Variants in SAP30BP observed in about 807,000 individuals in gnomAD.
SAP30BP encodes SAP30-binding protein.
Under a neutral mutation model 46.3 loss-of-function variants are expected in SAP30BP, and 31 were observed. The observed-to-expected ratio is 0.67, with a 90% CI of 0.50 to 0.90. The LOEUF is 0.90. Ranked by LOEUF, SAP30BP falls within the 40% of genes least tolerant of loss-of-function variation. The pLI, the probability that SAP30BP is intolerant of heterozygous loss-of-function variation, is 0.00. For missense variants in SAP30BP, 312 were observed against 391.0 expected, an observed-to-expected ratio of 0.80 and a Z score of 1.70; for synonymous variants, 169 against 144.2, an observed-to-expected ratio of 1.17 and a Z score of -1.23.
chr17:75,704,848 C>T (rs772843143), intron 9 of SAP30BP, 34 bp downstream of exon 9: 3 of 1,566,800 alleles, frequency 1.9e-6, no homozygotes, highest in South Asian at 2.2e-5. Flanking sequence ...ATGAAAAAGG[C>T]ACATGTGGAG....
rs117826253 is a variant in SAP30BP at position 75,704,101 on chromosome 17, G to A, written c.601+242G>A. ...AGCATCGATGAGTGTTGGTGATGAC[G>A]GAGTTGCTGGGTACAGGGGAGCTTT... On this transcript the variant is annotated intron_variant, in intron 8 of 10. Transcript: ENST00000584667. Among the ~76,000 whole-genome samples the A allele has an allele frequency of 3.6e-4, 55 of 152,312 alleles. No homozygotes were observed. In the East Asian group the frequency reaches 4.6e-3, roughly 13 times the overall value.
At chr17:75,667,503 A>G in intron 1 of SAP30BP, 25 bp downstream of exon 1, 1 of 1,606,380 alleles carries the variant, frequency 6.2e-7, no homozygotes, top group Non-Finnish European at 8.5e-7. Flanking sequence ...CGAAGCTGGA[A>G]GGGGGAATCG....
intron 9 of SAP30BP, chr17:75,705,737 TG>T: frequency 8.9e-7 from 1 of 1,123,770 alleles, no homozygotes; most frequent in Non-Finnish European, 1.1e-6. Flanking sequence ...GCATGTGAGG[TG>T]GGGCGGTGGG....
intron 4 of SAP30BP, among the ~76,000 whole-genome samples, chr17:75,694,869 T>C (rs1164811602): frequency 6.6e-6 from 1 of 152,246 alleles, no homozygotes; most frequent in East Asian, 1.9e-4. Context: ...TTGTCACTTT[T>C]TCTCCCTGTG....
At chr17:75,669,040 A>G (rs1252017741) in intron 2 of SAP30BP, among the ~76,000 whole-genome samples, 1 of 151,820 alleles carries the variant, frequency 6.6e-6, no homozygotes, top group Non-Finnish European at 1.5e-5. Context: ...TATTAACAAG[A>G]TAAGAAAGGA....
intron 5 of SAP30BP, chr17:75,700,110 T>C: frequency 3.0e-6 from 1 of 331,432 alleles, no homozygotes; most frequent in Non-Finnish European, 5.6e-6. Context: ...CGGCCCTGTC[T>C]TGCCTTCAGT....
chr17:75,705,672 C>T (rs745893127), intron 9 of SAP30BP: 17 of 1,129,308 alleles, frequency 1.5e-5, no homozygotes, highest in Admixed American at 9.1e-5. Context: ...CCTGTGCGGG[C>T]GGGCACCGCC....
At position 75,667,369 on chromosome 17, in the gene SAP30BP, T is replaced by A. The variant is rs1468221983; in HGVS notation, c.-4T>A. On this transcript the variant is annotated 5_prime_UTR_variant, in exon 1 of 11. Transcript: ENST00000584667. The stretch of plus-strand genomic sequence containing the variant: ...GTGAGCCACGCCCGGGCTGTGGGAA[T>A]AAGATGGCGGGGAAGAAGAATGTTC... The A allele has an allele frequency of 6.2e-7, 1 of 1,614,086 alleles. No homozygotes were observed. Among genetic ancestry groups the A allele is most frequent in the Non-Finnish European group, 8.5e-7 (1 of 1,179,986 alleles).
chr17:75,676,157 ACAT>A (rs1168541239), intron 3 of SAP30BP, among the ~76,000 whole-genome samples: 1 of 152,232 alleles, frequency 6.6e-6, no homozygotes, highest in Non-Finnish European at 1.5e-5. Context: ...AAGGTTAGTT[ACAT>A]CATGGAATGC....
At chr17:75,705,191 T>C (rs1411900303) in intron 9 of SAP30BP, 1 of 258,404 alleles carries the variant, frequency 3.9e-6, no homozygotes, top group Non-Finnish European at 7.7e-6. Context: ...CCTCCAGAGC[T>C]GCCCTCAGTG....
chr17:75,696,686 G>A (rs1047918383), intron 4 of SAP30BP, among the ~76,000 whole-genome samples: 7 of 151,412 alleles, frequency 4.6e-5, no homozygotes, highest in African/African-American at 9.7e-5. Flanking sequence ...TAGTTTTCCC[G>A]AATGTGTTCC....
chr17:75,690,533 G>T (rs2060226050), intron 3 of SAP30BP: 1 of 376,276 alleles, frequency 2.7e-6, no homozygotes, highest in Admixed American at 3.3e-5. Context: ...CTACAGGCTG[G>T]TCTCAAACTC....
chr17:75,696,470 G>A (rs2060320674), intron 4 of SAP30BP, among the ~76,000 whole-genome samples: 1 of 151,756 alleles, frequency 6.6e-6, no homozygotes, highest in East Asian at 1.9e-4. Flanking sequence ...CTTGAACCTG[G>A]CAGGTGGAGG....
At chr17:75,682,691 C>T (rs2060095877) in intron 3 of SAP30BP, among the ~76,000 whole-genome samples, 1 of 151,952 alleles carries the variant, frequency 6.6e-6, no homozygotes, top group Non-Finnish European at 1.5e-5. Flanking sequence ...AGGCTGGGCG[C>T]AGTGGCTCAT....
intron 3 of SAP30BP, among the ~76,000 whole-genome samples, chr17:75,680,141 C>T (rs113254835): frequency 0.018 from 2,720 of 152,150 alleles, 39 homozygotes; most frequent in Non-Finnish European, 0.029. Flanking sequence ...TCGCCGGCCT[C>T]CCTGAGGTGC....
At position 75,667,360 on chromosome 17, in the gene SAP30BP, CT is replaced by C; in HGVS notation, c.-12del. The C allele has an allele frequency of 6.2e-7, 1 of 1,613,810 alleles. No individual in the cohort carries two copies. The highest frequency in any genetic ancestry group is 8.5e-7 in the Non-Finnish European group (1 of 1,179,728). ...GTCATAGGAGTGAGCCACGCCCGGG[CT>C]GTGGGAATAAGATGGCGGGGAAGAA... On this transcript the variant is annotated 5_prime_UTR_variant, in exon 1 of 11. Transcript: ENST00000584667.
At chr17:75,677,636 G>A (rs1182511902) in intron 3 of SAP30BP, among the ~76,000 whole-genome samples, 1 of 148,900 alleles carries the variant, frequency 6.7e-6, no homozygotes, top group African/African-American at 2.5e-5. Flanking sequence ...GGTAGAGTTG[G>A]GGTTTCACCA....
intron 4 of SAP30BP, among the ~76,000 whole-genome samples, chr17:75,696,724 T>G (rs1006840386): frequency 2.6e-5 from 4 of 151,214 alleles, no homozygotes; most frequent in African/African-American, 9.7e-5. Flanking sequence ...TCCTAGGAAT[T>G]ATCTTGTTTC....
chr17:75,690,617 C>A (rs1178920518), intron 3 of SAP30BP: 2 of 452,354 alleles, frequency 4.4e-6, no homozygotes, highest in Non-Finnish European at 8.9e-6. Flanking sequence ...CTGCGCCTGA[C>A]CAAGCGAGCA....
Sources: gnomAD v4.1 joint callset for allele counts (sites outside exome capture counted in the v4.1 genomes callset) on GRCh38, gnomAD v4.1.1 for gene constraint, MANE v1.5 for transcripts, NCBI Gene and HGNC (gene_info 2026-07-23, HGNC 2026-07-21) for gene names.